The following SIN3A variants were observed in gnomAD, a reference collection of about 807,000 sequenced individuals.
SIN3A encodes SIN3 transcription regulator family member A.
SIN3A carries 14 observed loss-of-function variants against 146.1 expected under a neutral mutation model. That is an observed-to-expected ratio of 0.10 (90% CI 0.06 to 0.15). The LOEUF (loss-of-function observed/expected upper bound fraction) is 0.15, where lower values mean the gene tolerates loss of function less well. SIN3A is among the 10% of genes least tolerant of loss of function. The probability of loss-of-function intolerance (pLI) is 1.00; values close to 1 mark genes in which losing one functional copy is unlikely to be tolerated. For missense variants in SIN3A, 1,028 were observed against 1,576.0 expected (o/e 0.65, Z 5.89); for synonymous variants, 572 against 572.0 (o/e 1.00, Z 0.00).
chr15:75,384,803 A>G (rs1468647552), intron 16 of SIN3A, among the ~76,000 whole-genome samples: 2 of 152,178 alleles, frequency 1.3e-5, no homozygotes, highest in Non-Finnish European at 2.9e-5. Flanking sequence ...GCTCTCATAC[A>G]TATTCTTTCT....
upstream of SIN3A, among the ~76,000 whole-genome samples, chr15:75,454,743 G>A (rs1303769422): frequency 6.6e-6 from 1 of 151,918 alleles, no homozygotes; most frequent in Non-Finnish European, 1.5e-5. Context: ...GCGGGAAGGG[G>A]GAGCCCGGCG....
upstream of SIN3A, among the ~76,000 whole-genome samples, chr15:75,454,360 T>G (rs890673304): frequency 4.6e-5 from 7 of 152,008 alleles, no homozygotes; most frequent in Non-Finnish European, 8.8e-5. Context: ...TCAGCTCCCC[T>G]GCAGGCGGGT....
In SIN3A at chr15:75,430,257, A is replaced by G. The variant is rs763414669; in HGVS notation, c.119T>C (p.Val40Ala). The G allele has an allele frequency of 8.1e-6, 13 of 1,614,034 alleles. No individual in the cohort carries two copies. In the South Asian group the frequency reaches 1.3e-4, roughly 16 times the overall value. Reference protein sequence around the residue: ...QHRVLAPAPPVYEAVSETMQS... With the variant: ...QHRVLAPAPPAYEAVSETMQS... ...CATGGTCTCAGACACTGCTTCATAC[A>G]CAGGAGGGGCAGGGGCAAGCACCCG... Residue 40 changes from valine (V) to alanine (A), a missense_variant, in exon 2 of 21, where the codon GTG becomes GCG. This residue lies in a region of SIN3A where 152 missense variants were observed against 231.5 expected (regional missense o/e 0.66). Coordinates refer to ENST00000394947, the MANE Select transcript of SIN3A (RefSeq NM_001145358.2).
chr15:75,397,118 G>C (rs1470029081), intron 12 of SIN3A, among the ~76,000 whole-genome samples: 1 of 152,166 alleles, frequency 6.6e-6, no homozygotes, highest in East Asian at 1.9e-4. Flanking sequence ...AATTCTTATT[G>C]GACTCCTGGC....
chr15:75,389,630 C>G, intron 16 of SIN3A, 22 bp downstream of exon 16: 1 of 1,613,214 alleles, frequency 6.2e-7, no homozygotes, highest in Non-Finnish European at 8.5e-7. Flanking sequence ...CTTACTCACC[C>G]TAGCCTCCTC....
chr15:75,420,753 T>C (rs1441482615), intron 3 of SIN3A: 1 of 152,216 alleles, frequency 6.6e-6, no homozygotes. Flanking sequence ...ATTTTAAGAC[T>C]GATCCAAAAA....
At position 75,436,111 on chromosome 15, in the gene SIN3A, G is replaced by A. The variant is rs569099798; in HGVS notation, c.-33-5703C>T. Among the ~76,000 whole-genome samples the A allele has an allele frequency of 9.0e-4, 136 of 150,428 alleles. 1 individual carries two copies. Among genetic ancestry groups the A allele is most frequent in the Non-Finnish European group, 1.8e-4 (12 of 67,774 alleles). On this transcript the variant is annotated intron_variant, in intron 1 of 20. Coordinates refer to ENST00000394947, the MANE Select transcript of SIN3A (RefSeq NM_001145358.2). ...ATAACGTCACTGCACTCCGGCCTGG[G>A]CAACAGAGTGAGACTCTGTCTCAAA...
At chr15:75,402,041 C>G (rs2073421330) in intron 9 of SIN3A, 71 bp from the exon 10 acceptor site, 1 of 967,480 alleles carries the variant, frequency 1.0e-6, no homozygotes, top group African/African-American at 1.6e-5. Context: ...GGGCCTCGCT[C>G]TGTCGCCCAG....
chr15:75,448,776 T>A (rs1008926796), intron 1 of SIN3A, among the ~76,000 whole-genome samples: 1 of 152,162 alleles, frequency 6.6e-6, no homozygotes, highest in Non-Finnish European at 1.5e-5. Flanking sequence ...ACATCTGCCA[T>A]GCACAGCTCT....
intron 5 of SIN3A, 94 bp downstream of exon 5, chr15:75,412,669 C>A (rs1448346538): frequency 1.6e-6 from 2 of 1,227,972 alleles, no homozygotes. Context: ...AACTTTGTTT[C>A]TCAGTATCTA....
rs187937483 is a variant in SIN3A, at chr15:75,374,231, C to A, written c.3591+1434G>T. Among the ~76,000 whole-genome samples the A allele has an allele frequency of 2.3e-4, 35 of 152,312 alleles. No individual in the cohort carries two copies. The East Asian group carries it at 6.4e-3, about 28-fold the overall frequency. On this transcript the variant is annotated intron_variant, in intron 20 of 20. Transcript: ENST00000394947. ...ATATCTACATCTGGGCGTGGTGGCT[C>A]ACGCCTGTAATCCCAGTACTTTGGG...
intron 3 of SIN3A, among the ~76,000 whole-genome samples, chr15:75,417,805 T>C (rs748161163): frequency 2.0e-4 from 30 of 152,148 alleles, no homozygotes; most frequent in Admixed American, 3.3e-4. Context: ...ACCGATATGA[T>C]GATATTAAGA....
rs189349408 is a variant in SIN3A, at chr15:75,403,799, G to A, written c.1408-1829C>T. On this transcript the variant is annotated intron_variant, in intron 9 of 20. Coordinates refer to ENST00000394947, the MANE Select transcript of SIN3A (RefSeq NM_001145358.2). ...GACTTCAGGTGATCCACCCACCTCG[G>A]CCTCTCAAAGTGCTGGGATTACAGG... is the stretch of plus-strand genomic sequence containing the variant. Among the ~76,000 whole-genome samples, 78 of 152,252 alleles carry A rather than the reference G, an allele frequency of 5.1e-4. No individual in the cohort carries two copies. In the East Asian group the frequency reaches 0.013, roughly 26 times the overall value.
intron 12 of SIN3A, among the ~76,000 whole-genome samples, chr15:75,398,790 G>A (rs1345038211): frequency 7.9e-5 from 12 of 151,910 alleles, no homozygotes; most frequent in South Asian, 2.1e-4. Flanking sequence ...TGGGATGATC[G>A]CTTGGACCCA....
chr15:75,426,793 G>A (rs781170651), intron 2 of SIN3A, among the ~76,000 whole-genome samples: 20 of 152,058 alleles, frequency 1.3e-4, no homozygotes, highest in Non-Finnish European at 1.6e-4. Flanking sequence ...TTAGCCAGGT[G>A]TGGTGGCATG....
intron 12 of SIN3A, among the ~76,000 whole-genome samples, chr15:75,396,811 C>T (rs1034504467): frequency 3.9e-5 from 6 of 152,272 alleles, no homozygotes; most frequent in African/African-American, 1.4e-4. Flanking sequence ...CCACCACCAC[C>T]GTGTGCTTTG....
chr15:75,435,118 C>A (rs1449502574), intron 1 of SIN3A, among the ~76,000 whole-genome samples: 3 of 152,000 alleles, frequency 2.0e-5, no homozygotes, highest in African/African-American at 7.2e-5. Flanking sequence ...CCATCCCATG[C>A]ATATTATGGA....
At chr15:75,387,501 GAA>G (rs34479080) in intron 16 of SIN3A, among the ~76,000 whole-genome samples, 37,164 of 100,066 alleles carry the variant, frequency 0.37, 7,138 homozygotes, top group African/African-American at 0.55. Context: ...CCCTGGGTTG[GAA>G]AAAAAAAAAA....
chr15:75,371,933 C>A lies in SIN3A; in HGVS notation c.*46G>T, dbSNP rs1369600271. 7 of 1,542,332 alleles carry A rather than the reference C, an allele frequency of 4.5e-6. No homozygotes were observed. The highest frequency in any genetic ancestry group is 6.3e-6 in the Non-Finnish European group (7 of 1,116,026). Reference sequence around the variant, plus strand: ...CAGTGTGTGAGTGCATAGGCCCACACACACATCCCCACACACACCCCAAGT... The same window carrying A: ...CAGTGTGTGAGTGCATAGGCCCACAAACACATCCCCACACACACCCCAAGT... On this transcript the variant is annotated 3_prime_UTR_variant, in exon 21 of 21. Coordinates refer to ENST00000394947, the MANE Select transcript of SIN3A (RefSeq NM_001145358.2).
Sources: gnomAD v4.1 joint callset for allele counts (sites outside exome capture counted in the v4.1 genomes callset) on GRCh38, gnomAD v4.1.1 for gene constraint, gnomAD v4.1.1 regional missense constraint, MANE v1.5 for transcripts, NCBI Gene and HGNC (gene_info 2026-07-23, HGNC 2026-07-21) for gene names.